Variants in PRKCH observed in about 807,000 individuals in gnomAD.
PRKCH encodes protein kinase C eta type.
A neutral mutation model predicts 82.5 loss-of-function variants in PRKCH; 28 were observed. The observed-to-expected ratio is 0.34, with a 90% CI of 0.25 to 0.47. The LOEUF is 0.47. Among genes scored for constraint, PRKCH ranks in the 20% least tolerant of loss-of-function variants. The pLI is 1.00. For synonymous variants in PRKCH, 322 were observed against 327.4 expected, an observed-to-expected ratio of 0.98 and a Z score of 0.18; for missense variants, 705 against 881.8, an observed-to-expected ratio of 0.80 and a Z score of 2.54.
intron 1 of PRKCH, among the ~76,000 whole-genome samples, chr14:61,312,003 GTTGACATGTGGGGATTAGAGGTCCC>G (rs2045528845): frequency 6.6e-6 from 1 of 152,140 alleles, no homozygotes; most frequent in Non-Finnish European, 1.5e-5. Flanking sequence ...ATCCAGGGTG[GTTGACATGTGGGGATTAGAGGTCCC>G]TTGACATGTG....
chr14:61,433,912 C>T (rs1883545508), intron 2 of PRKCH, among the ~76,000 whole-genome samples: 1 of 152,194 alleles, frequency 6.6e-6, no homozygotes, highest in Non-Finnish European at 1.5e-5. Context: ...AAAAGAAACT[C>T]TTCATGATAG....
intron 1 of PRKCH, among the ~76,000 whole-genome samples, chr14:61,248,623 C>T (rs1290577300): frequency 1.4e-4 from 21 of 152,138 alleles, no homozygotes; most frequent in African/African-American, 3.9e-4. Flanking sequence ...GAAGAGTGTC[C>T]AGTACTGGGA....
At chr14:61,349,169 C>G (rs1410086032) in intron 1 of PRKCH, among the ~76,000 whole-genome samples, 1 of 152,170 alleles carries the variant, frequency 6.6e-6, no homozygotes, top group Non-Finnish European at 1.5e-5. Flanking sequence ...CTGCTTTGCC[C>G]CTCACATAGT....
At chr14:61,533,512 G>T (rs2043069368) in intron 12 of PRKCH, among the ~76,000 whole-genome samples, 1 of 152,196 alleles carries the variant, frequency 6.6e-6, no homozygotes, top group Non-Finnish European at 1.5e-5. Flanking sequence ...AGGAGGGAAA[G>T]GCATCAGAAT....
At chr14:61,278,313 T>C (rs1370369510) in intron 1 of PRKCH, 1 of 152,194 alleles carries the variant, frequency 6.6e-6, no homozygotes, top group Non-Finnish European at 1.5e-5. Flanking sequence ...AATAATAAAA[T>C]TGTGTCGTGT....
chr14:61,373,229 T>C (rs1373776504), intron 1 of PRKCH, among the ~76,000 whole-genome samples: 1 of 151,880 alleles, frequency 6.6e-6, no homozygotes, highest in Non-Finnish European at 1.5e-5. Context: ...TTTAATGGAC[T>C]CACAGTTCCA....
intron 1 of PRKCH, among the ~76,000 whole-genome samples, chr14:61,264,772 C>G (rs1050107950): frequency 2.0e-5 from 3 of 152,168 alleles, no homozygotes; most frequent in Non-Finnish European, 2.9e-5. Context: ...TCAGGGCTCG[C>G]TGATTTCAAA....
intron 1 of PRKCH, among the ~76,000 whole-genome samples, chr14:61,379,430 G>T (rs1594640671): frequency 6.6e-6 from 1 of 152,218 alleles, no homozygotes; most frequent in East Asian, 1.9e-4. Flanking sequence ...ACTGAGCAAT[G>T]AATAATTAAG....
chr14:61,493,451 T>C (rs1327312228), intron 10 of PRKCH, among the ~76,000 whole-genome samples: 1 of 152,196 alleles, frequency 6.6e-6, no homozygotes, highest in African/African-American at 2.4e-5. Context: ...CACACAGTAC[T>C]TACCATGGAA....
intron 9 of PRKCH, chr14:61,477,351 G>A (rs1434711171): frequency 6.6e-6 from 1 of 152,194 alleles, no homozygotes; most frequent in Admixed American, 6.5e-5. Flanking sequence ...ATTTCCAAAA[G>A]GTAATCTGCA....
At chr14:61,245,788 A>G (rs2044874753) in intron 1 of PRKCH, among the ~76,000 whole-genome samples, 1 of 152,218 alleles carries the variant, frequency 6.6e-6, no homozygotes, top group Non-Finnish European at 1.5e-5. Flanking sequence ...GTTCAGGTTC[A>G]TTAGTATCCA....
intron 1 of PRKCH, among the ~76,000 whole-genome samples, chr14:61,262,045 C>T (rs2045050365): frequency 6.6e-6 from 1 of 151,736 alleles, no homozygotes; most frequent in African/African-American, 2.4e-5. Flanking sequence ...CATGGTGAAA[C>T]CCCATCTCTA....
chr14:61,360,523 A>T (rs1157165444), intron 1 of PRKCH, among the ~76,000 whole-genome samples: 2 of 152,172 alleles, frequency 1.3e-5, no homozygotes, highest in African/African-American at 4.8e-5. Context: ...AGAAAAAAGA[A>T]AAAAGAAAAA....
At chr14:61,192,846 C>T (rs758217278) in intron 1 of PRKCH, among the ~76,000 whole-genome samples, 5 of 152,186 alleles carry the variant, frequency 3.3e-5, no homozygotes, top group African/African-American at 1.2e-4. Flanking sequence ...TTCACCTTCC[C>T]TTCCTTTTAA....
chr14:61,221,802 C>T (rs976241382), intron 1 of PRKCH, among the ~76,000 whole-genome samples: 5 of 152,188 alleles, frequency 3.3e-5, no homozygotes, highest in Admixed American at 2.6e-4. Context: ...TCTTCCCTTC[C>T]TCTTCCTTCC....
intron 12 of PRKCH, among the ~76,000 whole-genome samples, chr14:61,532,895 C>G (rs1566932064): frequency 6.6e-6 from 1 of 152,238 alleles, no homozygotes; most frequent in Non-Finnish European, 1.5e-5. Flanking sequence ...GCTCCTTTCT[C>G]ATGCCAGCTG....
chr14:61,343,607 G>A (rs2140140645), intron 1 of PRKCH, among the ~76,000 whole-genome samples: 1 of 152,192 alleles, frequency 6.6e-6, no homozygotes, highest in East Asian at 1.9e-4. Flanking sequence ...TATCTAATGT[G>A]CCAATGCAAG....
rs566125625 is a variant in PRKCH at position 61,271,762 on chromosome 14, T to C, written c.-19+84094T>C. Among the ~76,000 whole-genome samples, 5 of 152,310 alleles carry C rather than the reference T, an allele frequency of 3.3e-5. No homozygotes were observed. The East Asian group carries it at 9.7e-4, about 29-fold the overall frequency. Reference sequence around the variant, plus strand: ...AAAGTGCTCAACAAATGGCAGCTATTTGTTTTGTCACTGCTGACTTTGAAT... The same window carrying C: ...AAAGTGCTCAACAAATGGCAGCTATCTGTTTTGTCACTGCTGACTTTGAAT... On this transcript the variant is annotated intron_variant, in intron 1 of 3. Transcript: ENST00000555185.
chr14:61,315,400 G>A (rs868439612), intron 1 of PRKCH, among the ~76,000 whole-genome samples: 3 of 152,030 alleles, frequency 2.0e-5, no homozygotes, highest in Non-Finnish European at 2.9e-5. Context: ...TTCAACTCTC[G>A]GTTTCCTTAT....
Sources: allele counts gnomAD v4.1 joint callset (sites outside exome capture counted in the v4.1 genomes callset), GRCh38; gene constraint gnomAD v4.1.1; transcripts MANE v1.5; gene names NCBI Gene and HGNC (gene_info 2026-07-23, HGNC 2026-07-21).